COX10: variants seen among roughly 807,000 people sequenced by gnomAD.
COX10 encodes cytochrome c oxidase assembly factor heme A:farnesyltransferase COX10, also known as protoheme IX farnesyltransferase, mitochondrial.
COX10 carries 27 observed loss-of-function variants against 37.3 expected under a neutral mutation model. That is an observed-to-expected ratio of 0.72 (90% CI 0.53 to 1.00). The LOEUF is 1.00. COX10 is among the 50% of genes least tolerant of loss of function. The pLI is 0.00. For synonymous variants in COX10, 222 were observed against 229.1 expected, an observed-to-expected ratio of 0.97 and a Z score of 0.28; for missense variants, 475 against 563.2, an observed-to-expected ratio of 0.84 and a Z score of 1.59.
intron 6 of COX10, among the ~76,000 whole-genome samples, chr17:14,199,177 G>A (rs1247650837): frequency 2.0e-5 from 3 of 152,124 alleles, no homozygotes; most frequent in African/African-American, 7.2e-5. Context: ...CTGAGGTCTT[G>A]TCAGTTGTGC....
At chr17:14,197,881 C>T (rs897534052) in intron 6 of COX10, among the ~76,000 whole-genome samples, 1 of 152,226 alleles carries the variant, frequency 6.6e-6, no homozygotes, top group Non-Finnish European at 1.5e-5. Context: ...ACAAAGCCCT[C>T]TGTCTATAAA....
intron 6 of COX10, among the ~76,000 whole-genome samples, chr17:14,202,616 C>T (rs1906577711): frequency 6.6e-6 from 1 of 152,116 alleles, no homozygotes. Flanking sequence ...ACTGAGATGT[C>T]TGTTATGTAC....
Position 14,186,208 on chromosome 17 carries a change from C to G in COX10, c.696-5781C>G, listed in dbSNP as rs188016916. ...GTCCTTCTAAAAAAGCAGATCTGATCATTTTCTTCCACTTTTTAAAATCTG... is the reference window on the plus strand; with the variant it reads ...GTCCTTCTAAAAAAGCAGATCTGATGATTTTCTTCCACTTTTTAAAATCTG... On this transcript the variant is annotated intron_variant, in intron 5 of 6. Coordinates refer to ENST00000261643, the MANE Select transcript of COX10 (RefSeq NM_001303.4). Among the ~76,000 whole-genome samples, 10 of 152,170 alleles carry G rather than the reference C, an allele frequency of 6.6e-5. No individual in the cohort carries two copies. The East Asian group carries it at 1.5e-3, about 24-fold the overall frequency.
rs1438332614 is a variant in COX10 at position 14,206,830 on chromosome 17, A to T, written c.949A>T (p.Ile317Phe). 6.2e-7 allele frequency: 1 copy of T among 1,613,990 alleles called. No individual in the cohort carries two copies. Among genetic ancestry groups the T allele is most frequent in the African/African-American group, 1.3e-5 (1 of 74,912 alleles). The change falls in exon 7 of 7, where the codon ATC becomes TTC. Residue 317 changes from isoleucine to phenylalanine, a missense_variant. Around this residue, in one of 5 missense-constraint regions of COX10, gnomAD observed 17 missense variants for 36.3 expected, o/e 0.47. Transcript: ENST00000261643. ...LDAGAFLLGG[I>F]LYSWQFPHFN... is the part of the protein sequence containing the mutation. ...CACAGGCGCATTTCTCCTGGGAGGA[A>T]TCCTCTACTCCTGGCAGTTTCCTCA...
chr17:14,098,485 A>G (rs1915700849), intron 3 of COX10, among the ~76,000 whole-genome samples: 1 of 152,172 alleles, frequency 6.6e-6, no homozygotes, highest in Non-Finnish European at 1.5e-5. Flanking sequence ...CTTGTTCTTT[A>G]ACACTGGCCT....
chr17:14,190,535 C>G (rs1309139822), intron 5 of COX10, among the ~76,000 whole-genome samples: 4 of 152,200 alleles, frequency 2.6e-5, no homozygotes, highest in Admixed American at 6.5e-5. Context: ...TATATTTTCT[C>G]ATTTTCCATC....
chr17:14,112,131 C>G (rs1182607351), intron 4 of COX10, among the ~76,000 whole-genome samples: 1 of 152,118 alleles, frequency 6.6e-6, no homozygotes, highest in African/African-American at 2.4e-5. Context: ...AGTTTTCCAG[C>G]AGAACATATT....
chr17:14,097,671 C>T (rs532123947), intron 3 of COX10, among the ~76,000 whole-genome samples: 1 of 152,098 alleles, frequency 6.6e-6, no homozygotes, highest in Non-Finnish European at 1.5e-5. Context: ...ACTACATACC[C>T]TTTTCAATTT....
At chr17:14,152,284 CAT>C (rs1212508853) in intron 4 of COX10, among the ~76,000 whole-genome samples, 1 of 152,142 alleles carries the variant, frequency 6.6e-6, no homozygotes, top group Non-Finnish European at 1.5e-5. Context: ...GCCTCACAAT[CAT>C]GGTGGAAGGT....
At chr17:14,200,460 T>A (rs1025844758) in intron 6 of COX10, among the ~76,000 whole-genome samples, 45 of 152,200 alleles carry the variant, frequency 3.0e-4, no homozygotes, top group African/African-American at 9.9e-4. Flanking sequence ...AGCCCTCTAA[T>A]CAGAGCCAGG....
intron 3 of COX10, among the ~76,000 whole-genome samples, chr17:14,100,846 G>T (rs1915761144): frequency 6.6e-6 from 1 of 152,140 alleles, no homozygotes; most frequent in Non-Finnish European, 1.5e-5. Flanking sequence ...CAATTGCTTG[G>T]ACTATGTTAG....
At chr17:14,131,546 CTG>C (rs1916467217) in intron 4 of COX10, among the ~76,000 whole-genome samples, 1 of 151,828 alleles carries the variant, frequency 6.6e-6, no homozygotes, top group Non-Finnish European at 1.5e-5. Flanking sequence ...TTTTAGATAA[CTG>C]AATATGACTG....
intron 1 of COX10, among the ~76,000 whole-genome samples, chr17:14,070,423 T>TG (rs1914993568): frequency 6.6e-6 from 1 of 152,348 alleles, no homozygotes; most frequent in African/African-American, 2.4e-5. Context: ...AACCTTGTGA[T>TG]GGCAGGGACA....
intron 3 of COX10, among the ~76,000 whole-genome samples, chr17:14,101,745 T>C (rs1188806428): frequency 6.6e-6 from 1 of 152,206 alleles, no homozygotes. Context: ...GCCGTCTCCC[T>C]TTCAAATTAG....
At chr17:14,119,899 A>C (rs950692807) in intron 4 of COX10, among the ~76,000 whole-genome samples, 1 of 152,196 alleles carries the variant, frequency 6.6e-6, no homozygotes, top group African/African-American at 2.4e-5. Context: ...AGACCTGATC[A>C]GATTTGTTGT....
At chr17:14,146,363 T>G (rs553835465) in intron 4 of COX10, among the ~76,000 whole-genome samples, 26 of 152,150 alleles carry the variant, frequency 1.7e-4, no homozygotes, top group African/African-American at 6.3e-4. Flanking sequence ...ATGAACTTAT[T>G]TTTAGCAAAG....
chr17:14,081,282 G>T (rs922428159), intron 3 of COX10, among the ~76,000 whole-genome samples: 3 of 152,202 alleles, frequency 2.0e-5, no homozygotes, highest in Admixed American at 6.5e-5. Flanking sequence ...GTGGTCAACT[G>T]AGAAACGACT....
intron 4 of COX10, among the ~76,000 whole-genome samples, chr17:14,142,480 G>A (rs1446573176): frequency 6.6e-6 from 1 of 152,118 alleles, no homozygotes; most frequent in Non-Finnish European, 1.5e-5. Flanking sequence ...TGTTATTTAT[G>A]AGCATTTAAA....
At chr17:14,163,284 C>A (rs952930351) in intron 5 of COX10, among the ~76,000 whole-genome samples, 9 of 133,050 alleles carry the variant, frequency 6.8e-5, no homozygotes, top group African/African-American at 2.3e-4. Context: ...GAGACAGAGT[C>A]TCACTCTCTT....
Sources: allele counts gnomAD v4.1 joint callset (sites outside exome capture counted in the v4.1 genomes callset), GRCh38; gene constraint gnomAD v4.1.1; regional missense constraint gnomAD v4.1.1; transcripts MANE v1.5; gene names NCBI Gene and HGNC (gene_info 2026-07-23, HGNC 2026-07-21).